ATG13: variants seen among roughly 807,000 people sequenced by gnomAD.
ATG13 encodes autophagy related 13, also known as autophagy-related protein 13.
A neutral mutation model predicts 65.5 loss-of-function variants in ATG13; 23 were observed. The observed-to-expected ratio is 0.35, with a 90% CI of 0.25 to 0.50. The LOEUF (loss-of-function observed/expected upper bound fraction) is 0.50, where lower values mean the gene tolerates loss of function less well. Ranked by LOEUF, ATG13 falls within the 20% of genes least tolerant of loss-of-function variation. The pLI, the probability that ATG13 is intolerant of heterozygous loss-of-function variation, is 0.98. For synonymous variants in ATG13, 252 were observed against 245.2 expected, an observed-to-expected ratio of 1.03 and a Z score of -0.26; for missense variants, 566 against 677.0, an observed-to-expected ratio of 0.84 and a Z score of 1.82.
At chr11:46,641,767 T>TC (rs1233209137) in intron 2 of ATG13, among the ~76,000 whole-genome samples, 1 of 151,118 alleles carries the variant, frequency 6.6e-6, no homozygotes, top group Non-Finnish European at 1.5e-5. Context: ...CTGATTTTTT[T>TC]TTTTTTTCGT....
intron 7 of ATG13, among the ~76,000 whole-genome samples, chr11:46,652,283 T>C (rs781708435): frequency 4.6e-5 from 7 of 151,576 alleles, no homozygotes; most frequent in Non-Finnish European, 1.0e-4. Flanking sequence ...GCTCACAGGA[T>C]GTTGATCATT....
intron 2 of ATG13, chr11:46,632,361 A>G (rs1013314856): frequency 6.6e-6 from 1 of 152,230 alleles, no homozygotes; most frequent in Non-Finnish European, 1.5e-5. Flanking sequence ...AGCAGCTCAC[A>G]TGAACTTACA....
chr11:46,669,843 A>G (rs929630157), intron 18 of ATG13, among the ~76,000 whole-genome samples: 1 of 152,060 alleles, frequency 6.6e-6, no homozygotes, highest in Admixed American at 6.6e-5. Flanking sequence ...TGCATTAGCT[A>G]TTTAGCTTTC....
intron 2 of ATG13, among the ~76,000 whole-genome samples, chr11:46,643,227 C>T (rs2056616862): frequency 6.6e-6 from 1 of 152,242 alleles, no homozygotes; most frequent in East Asian, 1.9e-4. Flanking sequence ...GCGGTTCTTG[C>T]CCAGTTTAGC....
intron 7 of ATG13, among the ~76,000 whole-genome samples, chr11:46,652,274 C>G (rs2059082218): frequency 6.6e-6 from 1 of 151,578 alleles, no homozygotes. Context: ...ACTAGTGCTG[C>G]TCACAGGATG....
intron 2 of ATG13, among the ~76,000 whole-genome samples, chr11:46,633,563 T>C (rs1380950294): frequency 2.0e-5 from 3 of 151,948 alleles, no homozygotes; most frequent in Non-Finnish European, 2.9e-5. Context: ...GTCAGGCTGG[T>C]CTTGAATTCC....
At chr11:46,639,474 G>A (rs1419615828) in intron 2 of ATG13, among the ~76,000 whole-genome samples, 1 of 151,936 alleles carries the variant, frequency 6.6e-6, no homozygotes, top group Non-Finnish European at 1.5e-5. Context: ...TCAGGTTGTG[G>A]GTCAGAATTC....
At chr11:46,656,952 T>C in intron 8 of ATG13, 143 bp from the exon 9 acceptor site, 1 of 697,158 alleles carries the variant, frequency 1.4e-6, no homozygotes, top group Non-Finnish European at 2.6e-6. Context: ...CACACACATA[T>C]GAAATTAAGG....
intron 5 of ATG13, among the ~76,000 whole-genome samples, chr11:46,646,622 C>T (rs1465875016): frequency 6.6e-6 from 1 of 152,106 alleles, no homozygotes; most frequent in African/African-American, 2.4e-5. Context: ...TACCACCATG[C>T]CCAGCTAGTT....
intron 11 of ATG13, among the ~76,000 whole-genome samples, chr11:46,661,260 G>A (rs1490248744): frequency 1.3e-5 from 2 of 152,086 alleles, no homozygotes; most frequent in Admixed American, 1.3e-4. Flanking sequence ...GCTCACGCCT[G>A]TAATCCCAGC....
chr11:46,644,300 T>G lies in ATG13; in HGVS notation c.9T>G (p.Thr3=). The change falls in exon 3 of 19, where the codon ACT becomes ACG. Residue 3 remains threonine (T), a synonymous_variant. Transcript: ENST00000683050. ...TTAGATTCCTATAGGCAATGGAAAC[T>G]GATCTCAATTCCCAGGACAGAAAGG... ME[T]DLNSQDRKDL... 6.2e-7 allele frequency: 1 copy of G among 1,603,702 alleles called. No individual in the cohort carries two copies. The highest frequency in any genetic ancestry group is 8.5e-7 in the Non-Finnish European group (1 of 1,177,278).
chr11:46,672,466 C>T lies in ATG13; in HGVS notation c.*134C>T, dbSNP rs1447949150. On this transcript the variant is annotated 3_prime_UTR_variant, in exon 19 of 19. Coordinates refer to ENST00000683050, the MANE Select transcript of ATG13 (RefSeq NM_001346311.2). ...GGGAGGCTGGCTTCTCCCATGGGGA[C>T]CCAGAAGTCCCTACTCTTGGACCTC... 10 of 1,546,310 alleles carry T rather than the reference C, an allele frequency of 6.5e-6. No homozygotes were observed. The highest frequency in any genetic ancestry group is 8.7e-6 in the Non-Finnish European group (10 of 1,147,412).
intron 1 of ATG13, among the ~76,000 whole-genome samples, chr11:46,618,727 C>T (rs925381095): frequency 6.6e-6 from 1 of 151,904 alleles, no homozygotes; most frequent in Non-Finnish European, 1.5e-5. Context: ...CATGTAGTGG[C>T]TCCAGCTCAA....
At chr11:46,624,883 A>G (rs112277660) in intron 1 of ATG13, among the ~76,000 whole-genome samples, 5,678 of 152,136 alleles carry the variant, frequency 0.037, 370 homozygotes, top group African/African-American at 0.13. Context: ...AAAATAAAAA[A>G]TTACCTGGGC....
chr11:46,629,319 A>T (rs1591528625), intron 1 of ATG13, among the ~76,000 whole-genome samples: 1 of 152,254 alleles, frequency 6.6e-6, no homozygotes. Context: ...TCACACTCAT[A>T]GTGTGTATTT....
At chr11:46,666,937 A>G (rs1389369364) in intron 14 of ATG13, among the ~76,000 whole-genome samples, 1 of 151,960 alleles carries the variant, frequency 6.6e-6, no homozygotes, top group African/African-American at 2.4e-5. Context: ...TGTGCCATCC[A>G]TCAGGAAAAA....
chr11:46,650,045 C>T lies in ATG13; in HGVS notation c.318-132C>T, dbSNP rs891711872. ...CATGAGAAAGTAAAACATTGGCTTA[C>T]CTCAGTAATCTGTTGATAAAGGTGT... On this transcript the variant is annotated intron_variant, in intron 6 of 18. Coordinates refer to ENST00000683050, the MANE Select transcript of ATG13 (RefSeq NM_001346311.2). 3.1e-6 allele frequency: 3 copies of T among 975,228 alleles called. No individual in the cohort carries two copies. The African/African-American group carries it at 4.9e-5, about 16-fold the overall frequency. 60.4% of individuals were successfully genotyped at this position (975,228 alleles called of 1,614,324 possible). A position where few individuals can be genotyped will look rare whatever the true frequency, so the allele number is the denominator to read the frequency against.
At chr11:46,645,566 G>T in intron 4 of ATG13, 147 bp downstream of exon 4, 2 of 813,090 alleles carry the variant, frequency 2.5e-6, no homozygotes, top group East Asian at 5.5e-5. Flanking sequence ...ACTTGAAAAG[G>T]TTGTTCTTAT....
At chr11:46,620,134 A>G (rs951331997) in intron 1 of ATG13, among the ~76,000 whole-genome samples, 8 of 151,410 alleles carry the variant, frequency 5.3e-5, no homozygotes, top group African/African-American at 9.7e-5. Context: ...CTTGTTGCCC[A>G]GGCTGGAGGA....
Sources: gnomAD v4.1 joint callset for allele counts (sites outside exome capture counted in the v4.1 genomes callset) on GRCh38, gnomAD v4.1.1 for gene constraint, MANE v1.5 for transcripts, NCBI Gene and HGNC (gene_info 2026-07-23, HGNC 2026-07-21) for gene names.